Variants in DPP6 observed in about 807,000 individuals in gnomAD.
DPP6 encodes the protein dipeptidyl peptidase like 6, also known as A-type potassium channel modulatory protein DPP6.
A neutral mutation model predicts 122.6 loss-of-function variants in DPP6; 69 were observed. The ratio of observed to expected loss-of-function variants is 0.56; its 90% confidence interval spans 0.46 to 0.69. The LOEUF (loss-of-function observed/expected upper bound fraction) is 0.69, where lower values mean the gene tolerates loss of function less well. Ranked by LOEUF, DPP6 falls within the 30% of genes least tolerant of loss-of-function variation. The pLI, the probability that DPP6 is intolerant of heterozygous loss-of-function variation, is 0.00. For missense variants in DPP6, 928 were observed against 1,116.9 expected, an observed-to-expected ratio of 0.83 and a Z score of 2.41; for synonymous variants, 418 against 433.1, an observed-to-expected ratio of 0.97 and a Z score of 0.43.
the DPP6 span, among the ~76,000 whole-genome samples, chr7:153,879,512 C>G: frequency 1.3e-5 from 2 of 152,140 alleles, no homozygotes; most frequent in Non-Finnish European, 1.5e-5. Context: ...GTCTCAGCCT[C>G]CCGAGTAGCT....
the DPP6 span, among the ~76,000 whole-genome samples, chr7:153,766,670 T>TAAATTC: frequency 6.6e-6 from 1 of 152,180 alleles, no homozygotes; most frequent in Non-Finnish European, 1.5e-5. Flanking sequence ...TTCAAAATAA[T>TAAATTC]AAATTCAATA....
chr7:154,215,923 A>C (rs779849069), intron 1 of DPP6, among the ~76,000 whole-genome samples: 1 of 152,048 alleles, frequency 6.6e-6, no homozygotes, highest in Non-Finnish European at 1.5e-5. Flanking sequence ...CCAACCAAAC[A>C]ACAGCATGAA....
chr7:154,676,831 G>A (rs535894236), intron 7 of DPP6, among the ~76,000 whole-genome samples: 13 of 152,380 alleles, frequency 8.5e-5, no homozygotes, highest in South Asian at 4.1e-4. Flanking sequence ...TTACAGAAGC[G>A]AGAACTAAAG....
In DPP6 at chr7:154,481,344, GGGGTGTGTGTGT is replaced by G. The variant is rs1382054974; in HGVS notation, c.457+6309_457+6320del. 5.5e-4 allele frequency among the ~76,000 whole-genome samples: 17 copies of G among 30,878 alleles called. No individual in the cohort carries two copies. Among genetic ancestry groups the G allele is most frequent in the East Asian group, 1.6e-3 (1 of 628 alleles). 20.3% of individuals were successfully genotyped at this position (30,878 alleles called of 152,430 possible). A position where few individuals can be genotyped will look rare whatever the true frequency, so the allele number is the denominator to read the frequency against. ...CTATACACTTGGAGAGAGAGAGAGA[GGGGTGTGTGTGT>G]GTGTGTGTGTGTGTGTGTCTGTGTG... On this transcript the variant is annotated intron_variant, in intron 3 of 25. Transcript: ENST00000377770. The surrounding 1 kb of genome is among the most constrained non-coding windows in gnomAD (Gnocchi z 4.2).
chr7:154,676,134 G>A (rs917125493), intron 7 of DPP6, among the ~76,000 whole-genome samples: 1 of 145,536 alleles, frequency 6.9e-6, no homozygotes, highest in African/African-American at 2.6e-5. Flanking sequence ...GCTGTCTGGA[G>A]GTCCAGCTGT....
chr7:154,121,891 C>T (rs561734224), intron 1 of DPP6, among the ~76,000 whole-genome samples: 1 of 152,222 alleles, frequency 6.6e-6, no homozygotes, highest in Admixed American at 6.5e-5. Context: ...ATTGTAGATT[C>T]CCAGTTCAAC....
At chr7:154,808,437 T>G (rs867158326) in intron 16 of DPP6, among the ~76,000 whole-genome samples, 3 of 152,260 alleles carry the variant, frequency 2.0e-5, no homozygotes, top group Middle Eastern at 3.4e-3. Flanking sequence ...CCCGCAACGT[T>G]AATGGTACCA....
chr7:153,786,922 C>T, the DPP6 span, among the ~76,000 whole-genome samples: 1 of 146,002 alleles, frequency 6.8e-6, no homozygotes, highest in South Asian at 2.3e-4. Context: ...TGTAAAAAAA[C>T]ATAGGAAGGG....
chr7:154,389,902 A>G (rs1400881474), intron 1 of DPP6, among the ~76,000 whole-genome samples: 1 of 152,250 alleles, frequency 6.6e-6, no homozygotes, highest in Non-Finnish European at 1.5e-5. Flanking sequence ...ATTTCTAGTC[A>G]GTGACATTAT....
intron 1 of DPP6, among the ~76,000 whole-genome samples, chr7:154,314,070 A>G (rs948433166): frequency 6.6e-6 from 1 of 152,066 alleles, no homozygotes; most frequent in African/African-American, 2.4e-5. Flanking sequence ...TAGGCTTGGG[A>G]TGATGAAGAC....
At chr7:153,999,216 C>G (rs1229280509) in intron 1 of DPP6, among the ~76,000 whole-genome samples, 1 of 152,224 alleles carries the variant, frequency 6.6e-6, no homozygotes, top group African/African-American at 2.4e-5. Context: ...TTCTGAGTCA[C>G]AAGGGTCAAA....
At chr7:154,066,473 C>T (rs1021385829) in intron 1 of DPP6, among the ~76,000 whole-genome samples, 4 of 152,172 alleles carry the variant, frequency 2.6e-5, no homozygotes, top group African/African-American at 7.2e-5. Context: ...CTCTATGCCA[C>T]GAAGAACACC....
intron 4 of DPP6, among the ~76,000 whole-genome samples, chr7:154,555,821 A>C (rs1829996695): frequency 6.6e-6 from 1 of 152,024 alleles, no homozygotes; most frequent in East Asian, 1.9e-4. Flanking sequence ...ATCTGACATG[A>C]ACTCCAGAAG....
chr7:154,523,013 T>A (rs1328756325), intron 3 of DPP6, among the ~76,000 whole-genome samples: 1 of 152,176 alleles, frequency 6.6e-6, no homozygotes, highest in Non-Finnish European at 1.5e-5. Context: ...GGGAGAAGCA[T>A]CTAGGCTGTT....
chr7:154,211,599 G>A (rs1035562449), intron 1 of DPP6, among the ~76,000 whole-genome samples: 8 of 152,274 alleles, frequency 5.3e-5, no homozygotes, highest in Non-Finnish European at 1.0e-4. Flanking sequence ...GAAGAAATGC[G>A]CATTTATGGC....
At chr7:154,349,341 A>C (rs1397445463) in intron 1 of DPP6, among the ~76,000 whole-genome samples, 4 of 152,148 alleles carry the variant, frequency 2.6e-5, no homozygotes, top group Non-Finnish European at 5.9e-5. Flanking sequence ...ACACCTGGCT[A>C]ATTTTTGTAT....
At chr7:154,535,245 G>T (rs1010671424) in intron 3 of DPP6, among the ~76,000 whole-genome samples, 2 of 151,998 alleles carry the variant, frequency 1.3e-5, no homozygotes, top group African/African-American at 2.4e-5. Flanking sequence ...GACCCTAAAT[G>T]AAAGAGCTAA....
chr7:154,542,407 A>G (rs1828801358), intron 4 of DPP6, among the ~76,000 whole-genome samples: 1 of 152,214 alleles, frequency 6.6e-6, no homozygotes, highest in African/African-American at 2.4e-5. Context: ...TCGGAATGTT[A>G]TCATTATTTC....
At chr7:153,786,712 C>G in the DPP6 span, among the ~76,000 whole-genome samples, 2 of 135,598 alleles carry the variant, frequency 1.5e-5, no homozygotes, top group Non-Finnish European at 3.1e-5. Context: ...GCACTCCAGC[C>G]TGGGCGACAG....
Sources: gnomAD v4.1 joint callset for allele counts (sites outside exome capture counted in the v4.1 genomes callset) on GRCh38, gnomAD v4.1.1 for gene constraint, Gnocchi (gnomAD v3.1) non-coding constraint, MANE v1.5 for transcripts, NCBI Gene and HGNC (gene_info 2026-07-23, HGNC 2026-07-21) for gene names.